Variants in USP32 observed in about 807,000 individuals in gnomAD.
USP32 encodes ubiquitin carboxyl-terminal hydrolase 32.
Under a neutral mutation model 204.8 loss-of-function variants are expected in USP32, and 59 were observed. That is an observed-to-expected ratio of 0.29 (90% CI 0.23 to 0.36). The LOEUF is 0.36. USP32 is among the 10% of genes least tolerant of loss of function. The probability of loss-of-function intolerance (pLI) is 1.00; values close to 1 mark genes in which losing one functional copy is unlikely to be tolerated. For missense variants in USP32, 1,160 were observed against 1,946.4 expected, an observed-to-expected ratio of 0.60 and a Z score of 7.60; for synonymous variants, 517 against 678.4, an observed-to-expected ratio of 0.76 and a Z score of 3.70.
intron 1 of USP32, among the ~76,000 whole-genome samples, chr17:60,379,822 C>T (rs1340702648): frequency 6.6e-6 from 1 of 152,136 alleles, no homozygotes; most frequent in African/African-American, 2.4e-5. Flanking sequence ...TAAATAGCAA[C>T]ATATCACAAT....
chr17:60,199,947 G>A (rs2084630826), intron 26 of USP32, among the ~76,000 whole-genome samples: 2 of 152,162 alleles, frequency 1.3e-5, no homozygotes, highest in South Asian at 4.1e-4. Flanking sequence ...TGTAATCCCA[G>A]CACTTCAGGA....
chr17:60,212,002 A>T (rs1257562372), intron 19 of USP32, 22 bp downstream of exon 19: 3 of 1,521,660 alleles, frequency 2.0e-6, no homozygotes, highest in Non-Finnish European at 2.7e-6. Flanking sequence ...AATCTCTTTA[A>T]AAAATAATAC....
chr17:60,288,457 C>A, intron 5 of USP32, 66 bp downstream of exon 5: 2 of 1,506,834 alleles, frequency 1.3e-6, no homozygotes, highest in African/African-American at 1.4e-5. Flanking sequence ...AGCATATTCT[C>A]ATATTACCAG....
intron 1 of USP32, among the ~76,000 whole-genome samples, chr17:60,353,252 G>A (rs1230942294): frequency 2.0e-5 from 3 of 152,146 alleles, no homozygotes; most frequent in African/African-American, 7.2e-5. Context: ...CAACGAGCAG[G>A]AAAGGCTCTC....
At chr17:60,391,022 G>C (rs1160820488) in intron 1 of USP32, among the ~76,000 whole-genome samples, 3 of 152,174 alleles carry the variant, frequency 2.0e-5, no homozygotes, top group African/African-American at 7.2e-5. Context: ...GAGTGGTAGG[G>C]GGTTGGGGCT....
At chr17:60,289,773 C>G (rs1053098736) in intron 4 of USP32, among the ~76,000 whole-genome samples, 2 of 151,698 alleles carry the variant, frequency 1.3e-5, no homozygotes, top group Non-Finnish European at 2.9e-5. Flanking sequence ...ACTATTTGAT[C>G]AGGAAAAAAA....
At chr17:60,392,926 G>A (rs1376067575), upstream of USP32, among the ~76,000 whole-genome samples, 5 of 151,976 alleles carry the variant, frequency 3.3e-5, no homozygotes, top group African/African-American at 1.2e-4. Context: ...GAAACATGAG[G>A]GCTACAAGGC....
chr17:60,422,246 C>A, exon 1 of USP32: 1 of 346,482 alleles, frequency 2.9e-6, no homozygotes, highest in Non-Finnish European at 5.4e-6. Context: ...ACAGCCTTAC[C>A]AGGTGGTGTC....
intron 1 of USP32, among the ~76,000 whole-genome samples, chr17:60,382,069 T>C (rs1175425830): frequency 6.6e-6 from 1 of 152,284 alleles, no homozygotes; most frequent in African/African-American, 2.4e-5. Context: ...ATTTAGTGTC[T>C]TGAAATTAGG....
intron 1 of USP32, among the ~76,000 whole-genome samples, chr17:60,361,543 T>C (rs1163140649): frequency 6.6e-6 from 1 of 152,178 alleles, no homozygotes; most frequent in East Asian, 1.9e-4. Flanking sequence ...ACTAGGGTCA[T>C]TCCCAGTTTT....
chr17:60,223,728 G>T, intron 13 of USP32, 142 bp from the exon 14 acceptor site: 1 of 656,236 alleles, frequency 1.5e-6, no homozygotes, highest in Non-Finnish European at 2.4e-6. Flanking sequence ...TTCTGTAGAA[G>T]ACAGGAAATG....
intron 3 of USP32, among the ~76,000 whole-genome samples, chr17:60,299,362 A>G (rs1277792310): frequency 1.3e-5 from 2 of 152,222 alleles, no homozygotes; most frequent in Admixed American, 1.3e-4. Context: ...GTCCAAGGTC[A>G]AGGCACCTGC....
At chr17:60,257,747 G>T (rs1286511785) in intron 9 of USP32, among the ~76,000 whole-genome samples, 1 of 151,838 alleles carries the variant, frequency 6.6e-6, no homozygotes, top group East Asian at 1.9e-4. Flanking sequence ...GCCTCCCAAG[G>T]TGCTGGGGTT....
At chr17:60,207,951 T>C (rs1394682821) in intron 24 of USP32, 108 bp downstream of exon 24, 2 of 1,435,360 alleles carry the variant, frequency 1.4e-6, no homozygotes. Flanking sequence ...TTTCGTTATG[T>C]TTTAGTATCT....
At chr17:60,214,000 T>C (rs1435206904) in intron 17 of USP32, among the ~76,000 whole-genome samples, 3 of 151,956 alleles carry the variant, frequency 2.0e-5, no homozygotes, top group African/African-American at 7.3e-5. Flanking sequence ...TGGAGTATAG[T>C]GGCACTATCT....
At chr17:60,186,176 C>A (rs1403007786) in intron 29 of USP32, among the ~76,000 whole-genome samples, 2 of 152,188 alleles carry the variant, frequency 1.3e-5, no homozygotes, top group Non-Finnish European at 2.9e-5. Context: ...ATGACCATAG[C>A]TTTTCTTGAA....
chr17:60,409,888 T>C (rs998653032), intron 1 of USP32, among the ~76,000 whole-genome samples: 4 of 152,202 alleles, frequency 2.6e-5, no homozygotes, highest in African/African-American at 9.7e-5. Context: ...TATGAATTTG[T>C]GTTGGACCAC....
chr17:60,418,018 G>C (rs1395952193), intron 1 of USP32, among the ~76,000 whole-genome samples: 1 of 148,276 alleles, frequency 6.7e-6, no homozygotes, highest in African/African-American at 2.5e-5. Flanking sequence ...GAGTGCAATG[G>C]CACGATCTCG....
chr17:60,386,054 C>T (rs901071794), intron 1 of USP32, among the ~76,000 whole-genome samples: 15 of 151,670 alleles, frequency 9.9e-5, no homozygotes, highest in South Asian at 8.3e-4. Context: ...AAGAAACAAA[C>T]GGAAAGAACA....
Sources: gnomAD v4.1 joint callset for allele counts (sites outside exome capture counted in the v4.1 genomes callset) on GRCh38, gnomAD v4.1.1 for gene constraint, MANE v1.5 for transcripts, NCBI Gene and HGNC (gene_info 2026-07-23, HGNC 2026-07-21) for gene names.